CARD8: variants seen among roughly 807,000 people sequenced by gnomAD.
The protein encoded by CARD8 is caspase recruitment domain family member 8.
In CARD8, 38 loss-of-function variants were observed where a neutral mutation model predicts 53.2. That is an observed-to-expected ratio of 0.71 (90% CI 0.55 to 0.94). The LOEUF is 0.94. Among genes scored for constraint, CARD8 ranks in the 40% least tolerant of loss-of-function variants. The pLI, the probability that CARD8 is intolerant of heterozygous loss-of-function variation, is 0.00. For missense variants in CARD8, 561 were observed against 655.5 expected (o/e 0.86, Z 1.57); for synonymous variants, 245 against 244.9 (o/e 1.00, Z 0.00).
At chr19:48,254,547 C>T (rs748849809) in intron 1 of CARD8, among the ~76,000 whole-genome samples, 1 of 152,036 alleles carries the variant, frequency 6.6e-6, no homozygotes, top group African/African-American at 2.4e-5. Context: ...GTCAGGGGTT[C>T]GAGACCAGCC....
chr19:48,235,769 G>A (rs929956995), intron 5 of CARD8, among the ~76,000 whole-genome samples: 3 of 151,766 alleles, frequency 2.0e-5, no homozygotes, highest in East Asian at 3.9e-4. Context: ...GAATATCTGT[G>A]AAAGCAATTG....
intron 11 of CARD8, among the ~76,000 whole-genome samples, chr19:48,220,989 G>GGAAGGAAGGAAGGAAC (rs1568696882): frequency 1.1e-5 from 1 of 93,368 alleles, no homozygotes. Flanking sequence ...AAGGAAGGAA[G>GGAAGGAAGGAAGGAAC]GAAGGAAAGA....
At position 48,238,485 on chromosome 19, in the gene CARD8, A is replaced by G. The variant is rs2044320954; in HGVS notation, c.107T>C (p.Leu36Pro). The G allele has an allele frequency of 2.0e-6, 3 of 1,536,310 alleles. No homozygotes were observed. Among genetic ancestry groups the G allele is most frequent in the East Asian group, 2.4e-5 (1 of 40,928 alleles). ...RNIDASKLIR[L>P]QGSRKLLVDN... ...AACCAACAGTTTCCGTGATCCTTGT[A>G]GTCTAATGAGTTTGGATGCATCTAT... Residue 36 changes from leucine to proline, a missense_variant, in exon 5 of 14, where the codon CTA becomes CCA. By Grantham distance (98) the Leu-to-Pro change is moderately conservative. Coordinates refer to ENST00000651546, the MANE Select transcript of CARD8 (RefSeq NM_001184900.3).
At chr19:48,204,151 A>C (rs771889562), downstream of CARD8, 6 of 455,094 alleles carry the variant, frequency 1.3e-5, no homozygotes, top group Admixed American at 7.1e-5. Context: ...CTGGGTGAGG[A>C]GGCGGACGCG....
At chr19:48,227,058 C>T (rs1470263504) in intron 10 of CARD8, among the ~76,000 whole-genome samples, 1 of 144,106 alleles carries the variant, frequency 6.9e-6, no homozygotes, top group Non-Finnish European at 1.5e-5. Context: ...CACTGCACTC[C>T]AGCCTGGTGA....
intron 7 of CARD8, 87 bp from the exon 8 acceptor site, chr19:48,231,897 G>A: frequency 8.6e-7 from 1 of 1,164,254 alleles, no homozygotes; most frequent in Non-Finnish European, 1.3e-6. Context: ...TTGCACAGGT[G>A]CTGTTGGGAT....
downstream of CARD8, among the ~76,000 whole-genome samples, chr19:48,207,732 C>CTGTTTTTTTTTTTTTTTTTTTTTTT (rs2037426504): frequency 1.1e-5 from 1 of 91,272 alleles, no homozygotes; most frequent in Non-Finnish European, 2.1e-5. Context: ...TGTTGTTTTT[C>CTGTTTTTTTTTTTTTTTTTTTTTTT]TGTTTTTTTT....
chr19:48,231,327 C>G (rs1377385667), intron 8 of CARD8, among the ~76,000 whole-genome samples: 1 of 152,102 alleles, frequency 6.6e-6, no homozygotes, highest in East Asian at 1.9e-4. Flanking sequence ...TATTTTGAGA[C>G]AAAGTCTCGC....
At position 48,255,793 on chromosome 19, in the gene CARD8, T is replaced by C. The variant is rs1056824283; in HGVS notation, c.-253A>G. On this transcript the variant is annotated splice_region_variant and 5_prime_UTR_variant, in exon 1 of 14. Coordinates refer to ENST00000651546, the MANE Select transcript of CARD8 (RefSeq NM_001184900.3). ...TACACTAGGGCTCCTGAAACTCACC[T>C]GGTAAGCGCTCCAGAAAAGCAGCAG... The C allele has an allele frequency of 3.3e-5, 5 of 152,252 alleles. No homozygotes were observed. The highest frequency in any genetic ancestry group is 2.0e-4 in the Admixed American group (3 of 15,266). 9.4% of individuals were successfully genotyped at this position (152,252 alleles called of 1,614,324 possible).
rs143436129 is a variant in CARD8, at chr19:48,220,788, G to A, written c.1161+942C>T. On this transcript the variant is annotated intron_variant, in intron 11 of 13. Transcript: ENST00000651546. ...CAGCCGGGAGTGGTGGTGCATGCCTGTAATCCCAGTTACTCAGGAGGCTGA... is the reference window on the plus strand; with the variant it reads ...CAGCCGGGAGTGGTGGTGCATGCCTATAATCCCAGTTACTCAGGAGGCTGA... Among the ~76,000 whole-genome samples the A allele has an allele frequency of 4.2e-4, 64 of 152,104 alleles. No individual in the cohort carries two copies. In the East Asian group the frequency reaches 0.012, roughly 28 times the overall value.
Position 48,238,400 on chromosome 19 carries a change from G to C in CARD8, c.192C>G (p.Ala64=). 6.5e-7 allele frequency: 1 copy of C among 1,535,996 alleles called. No individual in the cohort carries two copies. The highest frequency in any genetic ancestry group is 1.2e-5 in the South Asian group (1 of 84,060). ...TCCCTTACGTATCATTTGTCACACA[G>C]GCCTCAGCCTGAAAAAAAATTCCAG... ...TKTGIFFQAE[A]CVTNDTVYRE... The change falls in exon 5 of 14, where the codon GCC becomes GCG. Residue 64 remains alanine (A), a synonymous_variant. Transcript: ENST00000651546.
chr19:48,211,673 C>G lies in CARD8; in HGVS notation c.*37G>C. On this transcript the variant is annotated 3_prime_UTR_variant, in exon 14 of 14. Transcript: ENST00000651546. ...TGTTTATCCATTTCCAATGAGAACG[C>G]TGGATTCTCTCTTCCAGACTACCTA... is the stretch of plus-strand genomic sequence containing the variant. 6.3e-7 allele frequency: 1 copy of G among 1,590,844 alleles called. No homozygotes were observed. Among genetic ancestry groups the G allele is most frequent in the Non-Finnish European group, 8.6e-7 (1 of 1,165,252 alleles).
intron 4 of CARD8, among the ~76,000 whole-genome samples, chr19:48,240,397 A>G (rs943455560): frequency 1.3e-5 from 2 of 152,202 alleles, no homozygotes; most frequent in Non-Finnish European, 2.9e-5. Flanking sequence ...TCAGGTATGA[A>G]GTTGCCATGG....
Position 48,234,425 on chromosome 19 carries a change from G to C in CARD8, c.328C>G (p.Leu110Val), listed in dbSNP as rs779176305. 1 of 1,612,772 alleles carries C rather than the reference G, an allele frequency of 6.2e-7. No homozygotes were observed. Among genetic ancestry groups the C allele is most frequent in the Admixed American group, 1.7e-5 (1 of 59,590 alleles). ...TACCTGGGAATGTCCCCCCCAGATA[G>C]TTGACACTCAGGAACAGCACGGAAC... ...LLFRAVPECQ[L>V]SGGDIPSVSE... Residue 110 changes from leucine to valine, a missense_variant, in exon 6 of 14, where the codon CTA (leucine) becomes GTA (valine). By Grantham distance (32) the Leu-to-Val change is conservative. Coordinates refer to ENST00000651546, the MANE Select transcript of CARD8 (RefSeq NM_001184900.3).
chr19:48,253,531 G>A (rs1347320059), intron 1 of CARD8, among the ~76,000 whole-genome samples: 3 of 152,010 alleles, frequency 2.0e-5, no homozygotes, highest in Non-Finnish European at 4.4e-5. Flanking sequence ...AGACAAATTA[G>A]GCTTCAAGAG....
At chr19:48,216,856 T>C (rs1015678777) in intron 12 of CARD8, among the ~76,000 whole-genome samples, 2 of 152,184 alleles carry the variant, frequency 1.3e-5, no homozygotes, top group Non-Finnish European at 1.5e-5. Context: ...AATACATTTA[T>C]TGTGCACCTA....
In CARD8 at chr19:48,230,491, C is replaced by T. The variant is rs758242862; in HGVS notation, c.982G>A (p.Glu328Lys). The part of the protein sequence containing the change: ...NTLIYYHPHP[E>K]DIKFHLYLVP... ...AGGTACAAGTGGAACTTAATATCTT[C>T]GGGGTGGGGGTGATAATAGATCAAT... Residue 328 changes from glutamate to lysine, a missense_variant, in exon 10 of 14, where the codon GAA becomes AAA. Coordinates refer to ENST00000651546, the MANE Select transcript of CARD8 (RefSeq NM_001184900.3). The T allele has an allele frequency of 6.8e-6, 11 of 1,613,742 alleles. No individual in the cohort carries two copies. Among genetic ancestry groups the T allele is most frequent in the Admixed American group, 1.7e-5 (1 of 59,996 alleles).
At position 48,234,630 on chromosome 19, in the gene CARD8, T is replaced by C; in HGVS notation, c.210-87A>G. The C allele has an allele frequency of 8.2e-6, 10 of 1,221,662 alleles. 1 individual carries two copies. In the Admixed American group the frequency reaches 1.5e-4, roughly 18 times the overall value. 75.7% of individuals were successfully genotyped at this position (1,221,662 alleles called of 1,614,324 possible). A position where few individuals can be genotyped will look rare whatever the true frequency, so the allele number is the denominator to read the frequency against. On this transcript the variant is annotated intron_variant, in intron 5 of 13. Transcript: ENST00000651546. Reference sequence around the variant, plus strand: ...GCTGTGCAGGAAGATTTTATGTTAATAGCCATAGACTCAATATTTTATCTT... The same window carrying C: ...GCTGTGCAGGAAGATTTTATGTTAACAGCCATAGACTCAATATTTTATCTT...
chr19:48,212,051 C>A, intron 13 of CARD8, 76 bp from the exon 14 acceptor site: 2 of 1,407,964 alleles, frequency 1.4e-6, no homozygotes, highest in Non-Finnish European at 1.9e-6. Context: ...AGCTTAGAGT[C>A]AAAATTCAGG....
Sources: gnomAD v4.1 joint callset for allele counts (sites outside exome capture counted in the v4.1 genomes callset) on GRCh38, gnomAD v4.1.1 for gene constraint, MANE v1.5 for transcripts, NCBI Gene and HGNC (gene_info 2026-07-23, HGNC 2026-07-21) for gene names.